Variants in LRRC56 observed in about 807,000 individuals in gnomAD.
LRRC56 encodes the protein leucine-rich repeat-containing protein 56.
Under a neutral mutation model 47.8 loss-of-function variants are expected in LRRC56, and 41 were observed. That is an observed-to-expected ratio of 0.86 (90% CI 0.67 to 1.11). The LOEUF (loss-of-function observed/expected upper bound fraction) is 1.11. Among genes scored for constraint, LRRC56 ranks in the 50% most tolerant of loss-of-function variants. The pLI, the probability that LRRC56 is intolerant of heterozygous loss-of-function variation, is 0.00. For synonymous variants in LRRC56, 387 were observed against 311.2 expected (o/e 1.24, Z -2.56); for missense variants, 759 against 704.2 (o/e 1.08, Z -0.88).
At chr11:534,361 G>A (rs1851326053), upstream of LRRC56, 2 of 1,528,806 alleles carry the variant, frequency 1.3e-6, no homozygotes, top group South Asian at 2.2e-5. Flanking sequence ...CCTCCTACAG[G>A]GTCTCCTGCC....
At chr11:543,752 TTTTA>T (rs1851922734) in intron 5 of LRRC56, among the ~76,000 whole-genome samples, 1 of 148,614 alleles carries the variant, frequency 6.7e-6, no homozygotes, top group Non-Finnish European at 1.5e-5. Flanking sequence ...GCGCCCCTTC[TTTTA>T]TTTTTTTTTT....
chr11:524,523 C>T, the LRRC56 span, among the ~76,000 whole-genome samples: 1 of 151,814 alleles, frequency 6.6e-6, no homozygotes, highest in Non-Finnish European at 1.5e-5. Context: ...CACAGCTACT[C>T]GGGAGGCTGA....
the LRRC56 span, among the ~76,000 whole-genome samples, chr11:512,767 T>C: frequency 1.2e-3 from 189 of 152,342 alleles, 1 homozygote; most frequent in Admixed American, 2.2e-3. Context: ...TTTAAAGTAA[T>C]GGTGGATTAA....
intron 6 of LRRC56, among the ~76,000 whole-genome samples, chr11:547,850 A>G (rs552968417): frequency 1.3e-4 from 20 of 152,052 alleles, no homozygotes; most frequent in Non-Finnish European, 2.6e-4. Context: ...TATTCAGGCC[A>G]GGTGCGGTGG....
chr11:521,188 C>T, the LRRC56 span, among the ~76,000 whole-genome samples: 1 of 152,216 alleles, frequency 6.6e-6, no homozygotes, highest in African/African-American at 2.4e-5. Flanking sequence ...CTTCACTAGC[C>T]ACTGGTTCGA....
chr11:552,137 G>A lies in LRRC56; in HGVS notation c.1086G>A (p.Pro362=), dbSNP rs370078833. Residue 362 remains proline, a synonymous_variant, in exon 12 of 14, where the codon CCG becomes CCA. Transcript: ENST00000270115. ...TGCCCCAACACAGGCCAGGAGATCC[G>A]GCCGCCAGCACTTCCACCCCAGAGC... ...EQLPQHRPGD[P]AASTSTPEPD... is the part of the protein sequence containing the mutation. 63 of 1,612,466 alleles carry A rather than the reference G, an allele frequency of 3.9e-5. No homozygotes were observed. The highest frequency in any genetic ancestry group is 1.0e-4 in the Admixed American group (6 of 59,986).
At chr11:516,945 G>C in the LRRC56 span, among the ~76,000 whole-genome samples, 2 of 152,130 alleles carry the variant, frequency 1.3e-5, no homozygotes, top group Non-Finnish European at 2.9e-5. Context: ...CCTGCCCCGG[G>C]CTCCCATGGT....
At position 552,586 on chromosome 11, in the gene LRRC56, AC is replaced by A; in HGVS notation, c.1202del (p.Pro401ArgfsTer9). ...CACCCTAGCCCCCTCCCCTATAGGC[AC>A]CCGGAGTCCCAACAGGAAGGGGCTG... is the stretch of plus-strand genomic sequence containing the variant. ...EHGVRPLPYR[H>X]PESQQEGAVA... On this transcript the variant is annotated frameshift_variant, in exon 13 of 14. Transcript: ENST00000270115. LOFTEE classifies it high-confidence loss of function. The A allele has an allele frequency of 6.2e-7, 1 of 1,603,416 alleles. No homozygotes were observed. Among genetic ancestry groups the A allele is most frequent in the Non-Finnish European group, 8.5e-7 (1 of 1,175,224 alleles).
the LRRC56 span, among the ~76,000 whole-genome samples, chr11:525,592 C>A: frequency 1.3e-5 from 2 of 151,388 alleles, no homozygotes; most frequent in East Asian, 1.9e-4. Context: ...AATTAAAAAA[C>A]CAGTTTCCAA....
chr11:551,510 G>T, intron 9 of LRRC56, 141 bp from the exon 10 acceptor site: 1 of 932,750 alleles, frequency 1.1e-6, no homozygotes. Context: ...CTGAAGATGA[G>T]GGCCTCTCTA....
the LRRC56 span, among the ~76,000 whole-genome samples, chr11:511,349 A>G: frequency 2.0e-5 from 3 of 151,980 alleles, no homozygotes; most frequent in Admixed American, 1.3e-4. Context: ...AAATGGGAAA[A>G]CATTGAGGAT....
upstream of LRRC56, among the ~76,000 whole-genome samples, chr11:536,702 C>T (rs563386891): frequency 2.6e-5 from 4 of 152,362 alleles, no homozygotes; most frequent in African/African-American, 7.2e-5. Context: ...ACCCGGGAGG[C>T]GGATGTTGCG....
At chr11:507,795 G>A in the LRRC56 span, among the ~76,000 whole-genome samples, 1 of 152,362 alleles carries the variant, frequency 6.6e-6, no homozygotes, top group South Asian at 2.1e-4. Flanking sequence ...ACGGCCCCGT[G>A]AACCACGCTG....
upstream of LRRC56, among the ~76,000 whole-genome samples, chr11:535,808 G>A (rs1851464866): frequency 6.6e-6 from 1 of 152,124 alleles, no homozygotes; most frequent in Admixed American, 6.5e-5. Flanking sequence ...GGAAGGCCAG[G>A]GAGCCGGTGT....
chr11:539,107 GTCTC>G (rs1400177777), intron 2 of LRRC56, among the ~76,000 whole-genome samples: 1 of 152,200 alleles, frequency 6.6e-6, no homozygotes, highest in East Asian at 1.9e-4. Flanking sequence ...TTGAGATGGA[GTCTC>G]TCTCTGTCGC....
chr11:527,258 GC>G, the LRRC56 span, among the ~76,000 whole-genome samples: 14 of 151,950 alleles, frequency 9.2e-5, no homozygotes, highest in Non-Finnish European at 1.5e-4. Flanking sequence ...CTGAGATCGC[GC>G]CACTGCATGC....
At chr11:534,977 G>A (rs554262429), upstream of LRRC56, among the ~76,000 whole-genome samples, 4 of 152,328 alleles carry the variant, frequency 2.6e-5, no homozygotes, top group African/African-American at 9.6e-5. Context: ...GGAAGGGGCC[G>A]AGAAGCGGCG....
the LRRC56 span, among the ~76,000 whole-genome samples, chr11:508,082 C>G: frequency 6.6e-6 from 1 of 152,258 alleles, no homozygotes; most frequent in Non-Finnish European, 1.5e-5. Context: ...GACATTTTGG[C>G]AGATGAAGAT....
At chr11:543,940 G>C (rs138090237) in intron 5 of LRRC56, among the ~76,000 whole-genome samples, 2,027 of 152,198 alleles carry the variant, frequency 0.013, 27 homozygotes, top group Middle Eastern at 0.034. Flanking sequence ...AGTAGAGACG[G>C]GGTTTCACCG....
Sources: gnomAD v4.1 joint callset for allele counts (sites outside exome capture counted in the v4.1 genomes callset) on GRCh38, gnomAD v4.1.1 for gene constraint, MANE v1.5 for transcripts, NCBI Gene and HGNC (gene_info 2026-07-23, HGNC 2026-07-21) for gene names.